COL23A1: variants seen among roughly 807,000 people sequenced by gnomAD.
COL23A1 encodes collagen alpha-1(XXIII) chain.
In COL23A1, 97 loss-of-function variants were observed where a neutral mutation model predicts 99.3. The observed-to-expected ratio is 0.98, with a 90% confidence interval of 0.83 to 1.16. The LOEUF (loss-of-function observed/expected upper bound fraction) is 1.16. Ranked by LOEUF, COL23A1 falls within the 50% of genes most tolerant of loss-of-function variation. COL23A1 has a pLI of 0.00. For synonymous variants in COL23A1, 320 were observed against 308.2 expected (o/e 1.04, Z -0.40); for missense variants, 762 against 757.4 (o/e 1.01, Z -0.07).
chr5:178,423,010 A>G (rs949673616), intron 2 of COL23A1, among the ~76,000 whole-genome samples: 9 of 152,212 alleles, frequency 5.9e-5, no homozygotes, highest in Admixed American at 5.2e-4. Context: ...TCTGTCACCC[A>G]GGCTGGAGTG....
rs1466136080 is a variant in COL23A1 at position 178,359,066 on chromosome 5, G to A, written c.362-52147C>T. Among the ~76,000 whole-genome samples, 21 of 152,192 alleles carry A rather than the reference G, an allele frequency of 1.4e-4. 1 individual carries two copies. Among genetic ancestry groups the A allele is most frequent in the Admixed American group, 1.0e-3 (16 of 15,276 alleles). The stretch of plus-strand genomic sequence containing the variant: ...CTATAAAGACAGAAAGCACAGAGTC[G>A]CAGGATGGCAGCTCTCCAGGCTGAA... On this transcript the variant is annotated intron_variant, in intron 2 of 28. Coordinates refer to ENST00000390654, the MANE Select transcript of COL23A1 (RefSeq NM_173465.4).
chr5:178,584,801 T>TAGA (rs1286463762), intron 1 of COL23A1, among the ~76,000 whole-genome samples: 1 of 152,196 alleles, frequency 6.6e-6, no homozygotes, highest in Non-Finnish European at 1.5e-5. Flanking sequence ...CTGTATGTGG[T>TAGA]CTCTGGTAGA....
At chr5:178,487,587 G>A (rs552589598) in intron 2 of COL23A1, among the ~76,000 whole-genome samples, 2 of 152,230 alleles carry the variant, frequency 1.3e-5, no homozygotes, top group South Asian at 4.1e-4. Context: ...AGACATTTAT[G>A]GGGCTGTAAG....
chr5:178,377,464 C>A (rs1481023449), intron 2 of COL23A1, among the ~76,000 whole-genome samples: 1 of 150,170 alleles, frequency 6.7e-6, no homozygotes, highest in Non-Finnish European at 1.5e-5. Flanking sequence ...CGACATGGGT[C>A]TACCCAAACT....
intron 2 of COL23A1, among the ~76,000 whole-genome samples, chr5:178,373,682 C>T (rs1762918714): frequency 6.6e-6 from 1 of 152,224 alleles, no homozygotes; most frequent in African/African-American, 2.4e-5. Flanking sequence ...TCCCAAAGTG[C>T]TGGGATTACA....
At chr5:178,479,997 C>CACATAA (rs1757245216) in intron 2 of COL23A1, among the ~76,000 whole-genome samples, 1 of 151,980 alleles carries the variant, frequency 6.6e-6, no homozygotes, top group East Asian at 1.9e-4. Context: ...GTACCATAGG[C>CACATAA]AACTGAGATA....
In COL23A1 at chr5:178,290,370, C is replaced by G; in HGVS notation, c.407-1G>C. ...CAGTCCAGGACACTTACTGGAGGAC[C>G]TGCAAAACACAAGCAGAGAAGCCAC... is the stretch of plus-strand genomic sequence containing the variant. On this transcript the variant is annotated splice_acceptor_variant, in intron 3 of 28. Coordinates refer to ENST00000390654, the MANE Select transcript of COL23A1 (RefSeq NM_173465.4). LOFTEE classifies it high-confidence loss of function. 1 of 1,614,068 alleles carries G rather than the reference C, an allele frequency of 6.2e-7. No homozygotes were observed. The highest frequency in any genetic ancestry group is 8.5e-7 in the Non-Finnish European group (1 of 1,180,034).
intron 2 of COL23A1, among the ~76,000 whole-genome samples, chr5:178,381,221 C>T (rs558069681): frequency 1.3e-5 from 2 of 152,346 alleles, no homozygotes; most frequent in African/African-American, 4.8e-5. Flanking sequence ...AAGGTCCCTT[C>T]GGACTTGGGA....
chr5:178,579,815 A>G (rs1001685288), intron 1 of COL23A1, among the ~76,000 whole-genome samples: 7 of 152,196 alleles, frequency 4.6e-5, no homozygotes, highest in Admixed American at 2.0e-4. Flanking sequence ...AAGGATGTCC[A>G]CACTCGCAGA....
intron 5 of COL23A1, among the ~76,000 whole-genome samples, chr5:178,270,785 A>T (rs1300068612): frequency 6.6e-6 from 1 of 152,172 alleles, no homozygotes; most frequent in Non-Finnish European, 1.5e-5. Context: ...CCCAGGGACC[A>T]CCACATGGCT....
intron 27 of COL23A1, among the ~76,000 whole-genome samples, chr5:178,241,185 C>G (rs953809020): frequency 6.6e-6 from 1 of 152,056 alleles, no homozygotes; most frequent in African/African-American, 2.4e-5. Flanking sequence ...GAACCATGAT[C>G]GCTCCAGCCT....
chr5:178,432,208 A>C (rs1294081071), intron 2 of COL23A1, among the ~76,000 whole-genome samples: 1 of 152,232 alleles, frequency 6.6e-6, no homozygotes, highest in African/African-American at 2.4e-5. Context: ...CTTCAGGAAA[A>C]AGTCCTCACA....
At chr5:178,268,268 G>A (rs771763060) in intron 7 of COL23A1, among the ~76,000 whole-genome samples, 35 of 152,160 alleles carry the variant, frequency 2.3e-4, no homozygotes, top group Non-Finnish European at 3.2e-4. Flanking sequence ...GAGACACTTG[G>A]TCCCTGTTTT....
chr5:178,386,268 G>A (rs1380023346), intron 2 of COL23A1, among the ~76,000 whole-genome samples: 1 of 152,024 alleles, frequency 6.6e-6, no homozygotes, highest in South Asian at 2.1e-4. Context: ...GTGAAACCCC[G>A]TATCTACTAA....
chr5:178,321,784 C>T lies in COL23A1; in HGVS notation c.362-14865G>A, dbSNP rs6869798. Among the ~76,000 whole-genome samples the T allele has an allele frequency of 4.6e-3, 686 of 149,862 alleles. 3 individuals are homozygous for T. The highest frequency in any genetic ancestry group is 0.016 in the African/African-American group (641 of 40,756). The stretch of plus-strand genomic sequence containing the variant: ...GATTACAGGCGTGAGCCACCGCGCC[C>T]GGCCCCGTAGCCTTCCTTTTTAAGG... On this transcript the variant is annotated intron_variant, in intron 2 of 28. Transcript: ENST00000390654.
intron 2 of COL23A1, among the ~76,000 whole-genome samples, chr5:178,405,707 C>T (rs979168290): frequency 6.6e-6 from 1 of 152,206 alleles, no homozygotes; most frequent in African/African-American, 2.4e-5. Context: ...AATACAATTA[C>T]TTACACATTG....
Position 178,365,705 on chromosome 5 carries a change from C to T in COL23A1, c.362-58786G>A, listed in dbSNP as rs1762436993. Reference sequence around the variant, plus strand: ...TGTTCCCGGCAGACCCTTGCGTTTCCTGTTCTCTGCCTGGAAAGCCATGTC... The same window carrying T: ...TGTTCCCGGCAGACCCTTGCGTTTCTTGTTCTCTGCCTGGAAAGCCATGTC... On this transcript the variant is annotated intron_variant, in intron 2 of 28. Transcript: ENST00000390654. The surrounding 1 kb of genome is among the most constrained non-coding windows in gnomAD (Gnocchi z 5.2). 6.6e-6 allele frequency among the ~76,000 whole-genome samples: 1 copy of T among 152,164 alleles called. No individual in the cohort carries two copies. Among genetic ancestry groups the T allele is most frequent in the African/African-American group, 2.4e-5 (1 of 41,434 alleles).
At chr5:178,503,521 G>A (rs1260014340) in intron 2 of COL23A1, among the ~76,000 whole-genome samples, 1 of 152,190 alleles carries the variant, frequency 6.6e-6, no homozygotes, top group Non-Finnish European at 1.5e-5. Flanking sequence ...ATGTGGTTGT[G>A]TAAGAGAATA....
chr5:178,238,550 G>A lies in COL23A1; in HGVS notation c.*148C>T, dbSNP rs757542798. 163 of 1,044,614 alleles carry A rather than the reference G, an allele frequency of 1.6e-4. No individual in the cohort carries two copies. Among genetic ancestry groups the A allele is most frequent in the Admixed American group, 3.3e-4 (16 of 48,168 alleles). The allele number at this position is 1,044,614 out of a possible 1,614,324, so 64.7% of individuals were successfully genotyped here. A position where few individuals can be genotyped will look rare whatever the true frequency, so the allele number is the denominator to read the frequency against. On this transcript the variant is annotated 3_prime_UTR_variant, in exon 29 of 29. Transcript: ENST00000390654. The stretch of plus-strand genomic sequence containing the variant: ...TTTCCGGCAGCTTCACATGCCGGTG[G>A]CTTTGGGGCTGGGTGGGCATACTCT...
Sources: allele counts gnomAD v4.1 joint callset (sites outside exome capture counted in the v4.1 genomes callset), GRCh38; gene constraint gnomAD v4.1.1; non-coding constraint Gnocchi (gnomAD v3.1); transcripts MANE v1.5; gene names NCBI Gene and HGNC (gene_info 2026-07-23, HGNC 2026-07-21).